CORO2B: variants seen among roughly 807,000 people sequenced by gnomAD.
CORO2B encodes coronin 2B.
Under a neutral mutation model 58.8 loss-of-function variants are expected in CORO2B, and 26 were observed. That is an observed-to-expected ratio of 0.44 (90% CI 0.32 to 0.61). The LOEUF (loss-of-function observed/expected upper bound fraction) is 0.61, where lower values mean the gene tolerates loss of function less well. CORO2B is among the 20% of genes least tolerant of loss of function. CORO2B has a pLI of 0.04. For synonymous variants in CORO2B, 242 were observed against 253.8 expected, an observed-to-expected ratio of 0.95 and a Z score of 0.44; for missense variants, 460 against 645.1, an observed-to-expected ratio of 0.71 and a Z score of 3.11.
chr15:68,580,832 GTC>G (rs1405752426), intron 1 of CORO2B, among the ~76,000 whole-genome samples: 9 of 152,136 alleles, frequency 5.9e-5, no homozygotes, highest in South Asian at 2.1e-4. Context: ...CCTCCCCTGT[GTC>G]TCTTTTTGTG....
At chr15:68,681,480 G>T (rs2415023) in intron 2 of CORO2B, among the ~76,000 whole-genome samples, 27,169 of 152,024 alleles carry the variant, frequency 0.18, 2,989 homozygotes, top group Non-Finnish European at 0.24. Context: ...CTGTGTTTCT[G>T]TCAGAGAAGA....
chr15:68,651,679 G>GT (rs1901646801), intron 2 of CORO2B, among the ~76,000 whole-genome samples: 1 of 152,204 alleles, frequency 6.6e-6, no homozygotes, highest in African/African-American at 2.4e-5. Context: ...TCTTCTCTAA[G>GT]TTTTTTCCCT....
At chr15:68,600,981 C>G (rs1595960813) in intron 1 of CORO2B, among the ~76,000 whole-genome samples, 1 of 152,184 alleles carries the variant, frequency 6.6e-6, no homozygotes, top group Non-Finnish European at 1.5e-5. Flanking sequence ...GAGGAGGCTG[C>G]CTGTCTGACT....
At chr15:68,721,445 C>T (rs113257011) in intron 11 of CORO2B, among the ~76,000 whole-genome samples, 26,351 of 152,068 alleles carry the variant, frequency 0.17, 2,850 homozygotes, top group Non-Finnish European at 0.24. Context: ...GTAGCTCATG[C>T]CTGTAATCCC....
chr15:68,690,328 G>A (rs1892326742), intron 2 of CORO2B, among the ~76,000 whole-genome samples: 1 of 152,140 alleles, frequency 6.6e-6, no homozygotes, highest in Non-Finnish European at 1.5e-5. Flanking sequence ...TGACACCCCT[G>A]CATTTCCTAC....
the CORO2B span, among the ~76,000 whole-genome samples, chr15:68,534,560 G>A: frequency 6.6e-6 from 1 of 152,184 alleles, no homozygotes; most frequent in Non-Finnish European, 1.5e-5. Context: ...GCCAGTCCAG[G>A]AATCCCCTTT....
At chr15:68,680,877 C>T (rs751948509) in intron 2 of CORO2B, among the ~76,000 whole-genome samples, 13 of 152,138 alleles carry the variant, frequency 8.5e-5, no homozygotes, top group Non-Finnish European at 1.6e-4. Context: ...AAATGACAGC[C>T]AGCATGATCA....
intron 8 of CORO2B, among the ~76,000 whole-genome samples, chr15:68,717,584 C>T (rs1191559027): frequency 6.6e-6 from 1 of 152,186 alleles, no homozygotes; most frequent in African/African-American, 2.4e-5. Flanking sequence ...TCCTCATCCT[C>T]CTCACCTGTG....
At chr15:68,647,857 TA>T (rs35636803) in intron 2 of CORO2B, among the ~76,000 whole-genome samples, 18 of 136,450 alleles carry the variant, frequency 1.3e-4, no homozygotes, top group African/African-American at 8.2e-5. Flanking sequence ...TTCTACAAAT[TA>T]AAAAAAAAAA....
In CORO2B at chr15:68,725,812, C is replaced by G. The variant is rs372941637; in HGVS notation, c.1312-31C>G. Reference sequence around the variant, plus strand: ...TGTCTCACCTGCTCTCTCCTGGGCCCTCCTTGGCCCCCTCTCTTCCTCCAC... The same window carrying G: ...TGTCTCACCTGCTCTCTCCTGGGCCGTCCTTGGCCCCCTCTCTTCCTCCAC... On this transcript the variant is annotated intron_variant, in intron 11 of 11. Coordinates refer to ENST00000261861, the MANE Select transcript of CORO2B (RefSeq NM_006091.5). The G allele has an allele frequency of 1.0e-4, 164 of 1,612,064 alleles. No individual in the cohort carries two copies. In the African/African-American group the frequency reaches 1.8e-3, roughly 18 times the overall value.
intron 1 of CORO2B, among the ~76,000 whole-genome samples, chr15:68,601,647 G>GA (rs1340102420): frequency 6.6e-6 from 1 of 152,214 alleles, no homozygotes; most frequent in African/African-American, 2.4e-5. Context: ...TTGGCCAAGA[G>GA]AACAGCTAGG....
chr15:68,719,283 C>T (rs1893106021), intron 10 of CORO2B, 49 bp downstream of exon 10: 1 of 1,601,046 alleles, frequency 6.2e-7, no homozygotes, highest in Non-Finnish European at 8.6e-7. Flanking sequence ...CAGCCTTTGC[C>T]TTCAGCGCAG....
chr15:68,721,979 C>G (rs1893172459), intron 11 of CORO2B, among the ~76,000 whole-genome samples: 1 of 152,178 alleles, frequency 6.6e-6, no homozygotes, highest in Non-Finnish European at 1.5e-5. Context: ...TCTTAAACTC[C>G]TGGGCTCAAA....
At chr15:68,525,690 A>G in the CORO2B span, among the ~76,000 whole-genome samples, 2 of 152,218 alleles carry the variant, frequency 1.3e-5, no homozygotes, top group African/African-American at 4.8e-5. Flanking sequence ...TTTGTTTACA[A>G]AATAAGCTGC....
chr15:68,592,560 A>G (rs1306411468), intron 1 of CORO2B, among the ~76,000 whole-genome samples: 3 of 152,358 alleles, frequency 2.0e-5, no homozygotes, highest in South Asian at 2.1e-4. Context: ...GGCATGTTAT[A>G]TATATTTTAC....
rs144987289 is a variant in CORO2B at position 68,713,956 on chromosome 15, G to A, written c.680G>A (p.Arg227Gln). ...AACTGCAAAAACCACAGAGTGAACC[G>A]GGTGGTGTTCCTGGGGAACATGAAG... ...EANCKNHRVNRVVFLGNMKRL... is the reference protein window; with the variant it reads ...EANCKNHRVNQVVFLGNMKRL... The change falls in exon 6 of 12, where the codon CGG becomes CAG. Residue 227 changes from arginine (R) to glutamine (Q), a missense_variant. Arg to Gln is a conservative substitution (Grantham distance 43). This residue lies in a region of CORO2B where 352 missense variants were observed against 543.0 expected (regional missense o/e 0.65). Transcript: ENST00000261861. 8 of 1,614,128 alleles carry A rather than the reference G, an allele frequency of 5.0e-6. No homozygotes were observed. Among genetic ancestry groups the A allele is most frequent in the Admixed American group, 1.7e-5 (1 of 60,012 alleles).
At chr15:68,526,689 C>T in the CORO2B span, among the ~76,000 whole-genome samples, 1 of 152,184 alleles carries the variant, frequency 6.6e-6, no homozygotes, top group Non-Finnish European at 1.5e-5. Context: ...TCCTCCCAGC[C>T]TGTGGCTTGT....
At chr15:68,719,073 A>G (rs1893099713) in intron 9 of CORO2B, 71 bp from the exon 10 acceptor site, 5 of 1,183,182 alleles carry the variant, frequency 4.2e-6, no homozygotes, top group Non-Finnish European at 6.3e-6. Context: ...CAGTAAGAAG[A>G]GTCTGACTGA....
rs774754385 is a variant in CORO2B, at chr15:68,645,365, G to A, written c.216+5G>A. ...CTCGTCATCCCCCTGGAGCAGGTAG[G>A]TGGCCCCTACCTTCACTCCAGCTGC... is the stretch of plus-strand genomic sequence containing the variant. On this transcript the variant is annotated splice_donor_5th_base_variant and intron_variant, in intron 2 of 11. Transcript: ENST00000261861. The surrounding 1 kb of genome is among the most constrained non-coding windows in gnomAD (Gnocchi z 4.5). 5.6e-6 allele frequency: 9 copies of A among 1,609,152 alleles called. No individual in the cohort carries two copies. The African/African-American group carries it at 8.0e-5, about 14-fold the overall frequency.
Sources: allele counts gnomAD v4.1 joint callset (sites outside exome capture counted in the v4.1 genomes callset), GRCh38; gene constraint gnomAD v4.1.1; regional missense constraint gnomAD v4.1.1; non-coding constraint Gnocchi (gnomAD v3.1); transcripts MANE v1.5; gene names NCBI Gene and HGNC (gene_info 2026-07-23, HGNC 2026-07-21).